ZBTB16: variants seen among roughly 807,000 people sequenced by gnomAD.
The protein encoded by ZBTB16 is zinc finger and BTB domain-containing protein 16.
ZBTB16 carries 8 observed loss-of-function variants against 56.8 expected under a neutral mutation model. The observed-to-expected ratio is 0.14, with a 90% CI of 0.08 to 0.25. The LOEUF (loss-of-function observed/expected upper bound fraction) is 0.25, where lower values mean the gene tolerates loss of function less well. Ranked by LOEUF, ZBTB16 falls within the 10% of genes least tolerant of loss-of-function variation. ZBTB16 has a pLI of 1.00. For synonymous variants in ZBTB16, 363 were observed against 368.5 expected (o/e 0.98, Z 0.17); for missense variants, 625 against 903.0 (o/e 0.69, Z 3.95).
At chr11:114,112,442 A>G (rs1041226008) in intron 2 of ZBTB16, among the ~76,000 whole-genome samples, 3 of 152,196 alleles carry the variant, frequency 2.0e-5, no homozygotes, top group African/African-American at 4.8e-5. Flanking sequence ...AGGGAGGGAT[A>G]GAGAGGGCAC....
chr11:114,104,051 T>C (rs1940704689), intron 2 of ZBTB16, among the ~76,000 whole-genome samples: 1 of 152,184 alleles, frequency 6.6e-6, no homozygotes, highest in African/African-American at 2.4e-5. Context: ...TTTGAGCTCA[T>C]TTACCAAAGG....
chr11:114,088,455 GT>G (rs1451930832), intron 2 of ZBTB16, among the ~76,000 whole-genome samples: 3 of 152,008 alleles, frequency 2.0e-5, no homozygotes, highest in Admixed American at 2.0e-4. Flanking sequence ...ATCTTTTATT[GT>G]TTGTATTTCT....
At chr11:114,115,331 C>G (rs559628560) in intron 2 of ZBTB16, among the ~76,000 whole-genome samples, 1 of 147,760 alleles carries the variant, frequency 6.8e-6, no homozygotes, top group Admixed American at 7.0e-5. Flanking sequence ...GTTTTCCTCC[C>G]TCCTTCCTCC....
chr11:114,185,821 AT>A (rs2135057425), intron 3 of ZBTB16, among the ~76,000 whole-genome samples: 1 of 152,350 alleles, frequency 6.6e-6, no homozygotes, highest in South Asian at 2.1e-4. Context: ...TTAGCCAGTG[AT>A]AAAAAGTACT....
rs1434882713 is a variant in ZBTB16, at chr11:114,060,293, A to G, written c.-91+411A>G. On this transcript the variant is annotated intron_variant, in intron 1 of 6. Coordinates refer to ENST00000335953, the MANE Select transcript of ZBTB16 (RefSeq NM_006006.6). This position sits in a 1 kb window ranked among gnomAD's most constrained non-coding sequence, Gnocchi z 6.0. ...CGGACCGGTGCGCGGGCGCAAGATA[A>G]GGTTGTGGTTTATTTATTTGTGTGT... The G allele has an allele frequency of 6.5e-6, 1 of 153,666 alleles. No individual in the cohort carries two copies. Among genetic ancestry groups the G allele is most frequent in the African/African-American group, 2.4e-5 (1 of 41,498 alleles). The allele number at this position is 153,666 out of a possible 1,614,324, so 9.5% of individuals were successfully genotyped here.
chr11:114,185,525 A>G (rs1326974979), intron 3 of ZBTB16, among the ~76,000 whole-genome samples: 2 of 152,154 alleles, frequency 1.3e-5, no homozygotes, highest in Non-Finnish European at 2.9e-5. Context: ...ACACATTGGG[A>G]GGCGTTGTAT....
chr11:114,218,179 G>T (rs965017582), intron 4 of ZBTB16, among the ~76,000 whole-genome samples: 1 of 152,220 alleles, frequency 6.6e-6, no homozygotes, highest in African/African-American at 2.4e-5. Flanking sequence ...AGAAGGACCT[G>T]CTGTGCTGCA....
rs1939679023 is a variant in ZBTB16, at chr11:114,079,238, C to A, written c.1268+14670C>A. On this transcript the variant is annotated intron_variant, in intron 2 of 6. Coordinates refer to ENST00000335953, the MANE Select transcript of ZBTB16 (RefSeq NM_006006.6). Reference sequence around the variant, plus strand: ...TTTACTTTTCTTTTGAAAATGACCACCTTGTCCATGGTAATGAGGATAAAA... The same window carrying A: ...TTTACTTTTCTTTTGAAAATGACCAACTTGTCCATGGTAATGAGGATAAAA... Among the ~76,000 whole-genome samples, 6 of 152,136 alleles carry A rather than the reference C, an allele frequency of 3.9e-5. No homozygotes were observed. The South Asian group carries it at 1.2e-3, about 31-fold the overall frequency.
intron 3 of ZBTB16, among the ~76,000 whole-genome samples, chr11:114,165,032 T>G (rs1942705925): frequency 6.6e-6 from 1 of 152,136 alleles, no homozygotes; most frequent in African/African-American, 2.4e-5. Context: ...CTTTTCTCTG[T>G]CTCTCTCTTT....
intron 5 of ZBTB16, among the ~76,000 whole-genome samples, chr11:114,244,485 A>G (rs946506906): frequency 6.6e-6 from 1 of 152,052 alleles, no homozygotes; most frequent in South Asian, 2.1e-4. Context: ...ACATACCACA[A>G]ATTGGATTTT....
At chr11:114,199,896 AGG>A (rs1943696731) in intron 4 of ZBTB16, among the ~76,000 whole-genome samples, 1 of 152,164 alleles carries the variant, frequency 6.6e-6, no homozygotes, top group Non-Finnish European at 1.5e-5. Flanking sequence ...TGGGAGGCCG[AGG>A]TGGGCGGATC....
At chr11:114,125,990 G>T (rs1334428501) in intron 2 of ZBTB16, among the ~76,000 whole-genome samples, 1 of 152,146 alleles carries the variant, frequency 6.6e-6, no homozygotes, top group African/African-American at 2.4e-5. Context: ...GGAGTGATGT[G>T]TCCTTATTTG....
In ZBTB16 at chr11:114,101,756, T is replaced by A. The variant is rs1940615033; in HGVS notation, c.1268+37188T>A. Among the ~76,000 whole-genome samples, 4 of 152,370 alleles carry A rather than the reference T, an allele frequency of 2.6e-5. No individual in the cohort carries two copies. In the South Asian group the frequency reaches 8.3e-4, roughly 32 times the overall value. On this transcript the variant is annotated intron_variant, in intron 2 of 6. Coordinates refer to ENST00000335953, the MANE Select transcript of ZBTB16 (RefSeq NM_006006.6). The stretch of plus-strand genomic sequence containing the variant: ...TATTATTGGAGTGCCCAGTAAATGC[T>A]AGTTGCCTTATCCTCCATTTTCTTT...
rs115536315 is a variant in ZBTB16 at position 114,126,954 on chromosome 11, G to A, written c.1269-29383G>A. ...TTTTGGGTGTAATAGTCTCTTCTCC[G>A]CAGCAGGTTGTAAGCATCTTGAAGG... On this transcript the variant is annotated intron_variant, in intron 2 of 6. Coordinates refer to ENST00000335953, the MANE Select transcript of ZBTB16 (RefSeq NM_006006.6). Among the ~76,000 whole-genome samples, 664 of 152,216 alleles carry A rather than the reference G, an allele frequency of 4.4e-3. 7 individuals are homozygous for A. Among genetic ancestry groups the A allele is most frequent in the African/African-American group, 0.015 (630 of 41,504 alleles).
Position 114,064,468 on chromosome 11 carries a change from G to A in ZBTB16, c.1168G>A (p.Glu390Lys). 6.2e-7 allele frequency: 1 copy of A among 1,614,148 alleles called. No homozygotes were observed. Among genetic ancestry groups the A allele is most frequent in the Non-Finnish European group, 8.5e-7 (1 of 1,180,028 alleles). ...GAGGGAGCTGTTCAGCAAGCTGGGG[G>A]AGCTGGCTGTGGGCATGAAGTCAGA... ...IQRELFSKLG[E>K]LAVGMKSESR... Residue 390 changes from glutamate to lysine, a missense_variant, in exon 2 of 7, where the codon GAG becomes AAG. Physicochemically the swap from Glu to Lys is moderately conservative, Grantham distance 56. This residue lies in a region of ZBTB16 where 384 missense variants were observed against 393.5 expected (regional missense o/e 0.98). Coordinates refer to ENST00000335953, the MANE Select transcript of ZBTB16 (RefSeq NM_006006.6). This position sits in a 1 kb window ranked among gnomAD's most constrained non-coding sequence, Gnocchi z 4.2.
chr11:114,230,498 A>G (rs1944417749), intron 4 of ZBTB16, among the ~76,000 whole-genome samples: 1 of 152,060 alleles, frequency 6.6e-6, no homozygotes, highest in Non-Finnish European at 1.5e-5. Flanking sequence ...GGAAGGCCGC[A>G]TGGTGTCTCT....
At chr11:114,219,080 G>A (rs1944170539) in intron 4 of ZBTB16, among the ~76,000 whole-genome samples, 1 of 152,162 alleles carries the variant, frequency 6.6e-6, no homozygotes. Context: ...ATGTACGTGC[G>A]TGTATATGTA....
chr11:114,122,372 T>A (rs964358427), intron 2 of ZBTB16, among the ~76,000 whole-genome samples: 4 of 152,216 alleles, frequency 2.6e-5, no homozygotes, highest in African/African-American at 9.6e-5. Flanking sequence ...GCACATTTAC[T>A]GTGGGGGTAG....
intron 5 of ZBTB16, among the ~76,000 whole-genome samples, chr11:114,243,111 G>A (rs1037549402): frequency 3.3e-5 from 5 of 152,198 alleles, no homozygotes; most frequent in Admixed American, 3.3e-4. Context: ...TCCCTAACAG[G>A]GGAGTGGATG....
Sources: gnomAD v4.1 joint callset for allele counts (sites outside exome capture counted in the v4.1 genomes callset) on GRCh38, gnomAD v4.1.1 for gene constraint, gnomAD v4.1.1 regional missense constraint, Gnocchi (gnomAD v3.1) non-coding constraint, MANE v1.5 for transcripts, NCBI Gene and HGNC (gene_info 2026-07-23, HGNC 2026-07-21) for gene names.